Variants in KCTD8 observed in about 807,000 individuals in gnomAD.
KCTD8 encodes BTB/POZ domain-containing protein KCTD8.
In KCTD8, 27 loss-of-function variants were observed where a neutral mutation model predicts 31.5. That is an observed-to-expected ratio of 0.86 (90% CI 0.63 to 1.18). The LOEUF (loss-of-function observed/expected upper bound fraction) is 1.18, where lower values mean the gene tolerates loss of function less well. Among genes scored for constraint, KCTD8 ranks in the 50% most tolerant of loss-of-function variants. The pLI is 0.00. For synonymous variants in KCTD8, 290 were observed against 280.0 expected (o/e 1.04, Z -0.36); for missense variants, 658 against 647.7 (o/e 1.02, Z -0.17).
At chr4:44,206,930 TAA>T (rs998288687) in intron 1 of KCTD8, among the ~76,000 whole-genome samples, 1 of 152,112 alleles carries the variant, frequency 6.6e-6, no homozygotes, top group Admixed American at 6.5e-5. Context: ...AGTTAGAAAA[TAA>T]AAAAATAACC....
intron 1 of KCTD8, among the ~76,000 whole-genome samples, chr4:44,326,607 T>C (rs1414692218): frequency 2.0e-5 from 3 of 151,804 alleles, no homozygotes; most frequent in Non-Finnish European, 4.4e-5. Flanking sequence ...TCTTTTCTTA[T>C]ATAAACAAAT....
chr4:44,339,935 A>C (rs1389185498), intron 1 of KCTD8, among the ~76,000 whole-genome samples: 2 of 152,202 alleles, frequency 1.3e-5, no homozygotes, highest in Non-Finnish European at 2.9e-5. Flanking sequence ...AATATATTCA[A>C]GTCAACAGAC....
At chr4:44,258,171 G>T (rs1716051663) in intron 1 of KCTD8, among the ~76,000 whole-genome samples, 1 of 151,920 alleles carries the variant, frequency 6.6e-6, no homozygotes, top group African/African-American at 2.4e-5. Context: ...GAATTACTAT[G>T]ATATTTCTCC....
chr4:44,384,467 C>G (rs961493122), intron 1 of KCTD8, among the ~76,000 whole-genome samples: 49 of 151,778 alleles, frequency 3.2e-4, no homozygotes, highest in Non-Finnish European at 1.3e-4. Flanking sequence ...TAAATGAAAT[C>G]CTGTTATTTG....
intron 1 of KCTD8, among the ~76,000 whole-genome samples, chr4:44,311,100 C>A (rs1352584041): frequency 2.0e-5 from 3 of 151,920 alleles, no homozygotes; most frequent in Non-Finnish European, 4.4e-5. Flanking sequence ...GTTAGGCCTT[C>A]AAATTTGTCT....
intron 1 of KCTD8, among the ~76,000 whole-genome samples, chr4:44,401,493 A>G (rs1010388181): frequency 2.0e-5 from 3 of 152,156 alleles, no homozygotes; most frequent in Non-Finnish European, 2.9e-5. Flanking sequence ...AGACTCCCTC[A>G]CAAGATGAAA....
At chr4:44,236,577 TAAAAC>T (rs544279160) in intron 1 of KCTD8, among the ~76,000 whole-genome samples, 50 of 151,102 alleles carry the variant, frequency 3.3e-4, no homozygotes, top group Non-Finnish European at 6.8e-4. Context: ...GCTTTTTACA[TAAAAC>T]AAAAAAAAAA....
At chr4:44,320,000 C>T (rs746023451) in intron 1 of KCTD8, among the ~76,000 whole-genome samples, 16 of 151,438 alleles carry the variant, frequency 1.1e-4, no homozygotes, top group Non-Finnish European at 2.1e-4. Context: ...GGTGAAACCC[C>T]GTCTCTACTA....
At chr4:44,393,253 G>C (rs796426129) in intron 1 of KCTD8, among the ~76,000 whole-genome samples, 1 of 151,952 alleles carries the variant, frequency 6.6e-6, no homozygotes, top group Non-Finnish European at 1.5e-5. Context: ...TTCGGTAAAG[G>C]AGACATGGTA....
intron 1 of KCTD8, among the ~76,000 whole-genome samples, chr4:44,431,891 G>A (rs1308211916): frequency 2.0e-5 from 3 of 151,544 alleles, no homozygotes; most frequent in African/African-American, 7.3e-5. Context: ...GTGGCTAAAA[G>A]TTGAGAGCTT....
At chr4:44,308,102 A>G (rs1037096353) in intron 1 of KCTD8, among the ~76,000 whole-genome samples, 8 of 152,026 alleles carry the variant, frequency 5.3e-5, no homozygotes, top group Non-Finnish European at 1.0e-4. Flanking sequence ...CTTAATATAC[A>G]GTTATTCCTT....
chr4:44,397,551 A>C (rs1180519799), intron 1 of KCTD8, among the ~76,000 whole-genome samples: 1 of 152,172 alleles, frequency 6.6e-6, no homozygotes, highest in African/African-American at 2.4e-5. Context: ...GTTCATACTT[A>C]AAGCACAAAA....
chr4:44,196,709 G>T (rs796964635), intron 1 of KCTD8, among the ~76,000 whole-genome samples: 12 of 152,234 alleles, frequency 7.9e-5, no homozygotes, highest in African/African-American at 2.9e-4. Flanking sequence ...GAGAGAGGAA[G>T]AGCTCCCAGG....
intron 1 of KCTD8, among the ~76,000 whole-genome samples, chr4:44,268,502 C>CT (rs1440836444): frequency 6.6e-6 from 1 of 152,084 alleles, no homozygotes; most frequent in Non-Finnish European, 1.5e-5. Context: ...GATGCCCTCT[C>CT]TCACCACTCC....
At chr4:44,285,174 T>C (rs892245238) in intron 1 of KCTD8, among the ~76,000 whole-genome samples, 1 of 152,158 alleles carries the variant, frequency 6.6e-6, no homozygotes, top group Non-Finnish European at 1.5e-5. Flanking sequence ...CATGTACACA[T>C]ATGTGTATTG....
chr4:44,430,104 AAGG>A (rs1162054506), intron 1 of KCTD8, among the ~76,000 whole-genome samples: 7 of 151,792 alleles, frequency 4.6e-5, no homozygotes, highest in Non-Finnish European at 8.8e-5. Context: ...CAGAGAATCA[AAGG>A]AGAACTGTCA....
At position 44,298,962 on chromosome 4, in the gene KCTD8, AG is replaced by A. The variant is rs374477733; in HGVS notation, c.962-123713del. Among the ~76,000 whole-genome samples the A allele has an allele frequency of 2.7e-3, 410 of 152,336 alleles. 1 individual carries two copies. Among genetic ancestry groups the A allele is most frequent in the Middle Eastern group, 0.01 (3 of 294 alleles). On this transcript the variant is annotated intron_variant, in intron 1 of 1. Coordinates refer to ENST00000360029, the MANE Select transcript of KCTD8 (RefSeq NM_198353.3). ...CAAAATGCATACAGTTGTAAAAAAA[AG>A]TTCCAAGTTTTCAATGGCAATAAAA...
chr4:44,223,776 G>A (rs957180764), intron 1 of KCTD8, among the ~76,000 whole-genome samples: 1 of 152,154 alleles, frequency 6.6e-6, no homozygotes. Context: ...TACATGTAGA[G>A]CTGCAGGAGC....
rs569138984 is a variant in KCTD8 at position 44,378,718 on chromosome 4, T to C, written c.961+68845A>G. 8.4e-4 allele frequency among the ~76,000 whole-genome samples: 128 copies of C among 152,264 alleles called. 1 individual carries two copies. Among genetic ancestry groups the C allele is most frequent in the African/African-American group, 2.9e-3 (122 of 41,582 alleles). On this transcript the variant is annotated intron_variant, in intron 1 of 1. Transcript: ENST00000360029. ...GCTATTACATGAGTCCCAAGTCACATAAAGATTTGGGGGTTGTATTAGTTT... is the reference window on the plus strand; with the variant it reads ...GCTATTACATGAGTCCCAAGTCACACAAAGATTTGGGGGTTGTATTAGTTT...
Sources: gnomAD v4.1 joint callset for allele counts (sites outside exome capture counted in the v4.1 genomes callset) on GRCh38, gnomAD v4.1.1 for gene constraint, MANE v1.5 for transcripts, NCBI Gene and HGNC (gene_info 2026-07-23, HGNC 2026-07-21) for gene names.